OXR1: variants seen among roughly 807,000 people sequenced by gnomAD.
OXR1 encodes the protein oxidation resistance 1.
In OXR1, 41 loss-of-function variants were observed where a neutral mutation model predicts 104.6. That is an observed-to-expected ratio of 0.39 (90% CI 0.31 to 0.51). The LOEUF (loss-of-function observed/expected upper bound fraction) is 0.51, where lower values mean the gene tolerates loss of function less well. OXR1 is among the 20% of genes least tolerant of loss of function. The pLI is 0.77. For synonymous variants in OXR1, 348 were observed against 348.4 expected (o/e 1.00, Z 0.01); for missense variants, 955 against 1,031.9 (o/e 0.93, Z 1.02).
chr8:106,712,302 T>C (rs545215301), intron 10 of OXR1, among the ~76,000 whole-genome samples: 71 of 152,108 alleles, frequency 4.7e-4, no homozygotes, highest in Non-Finnish European at 9.1e-4. Context: ...CAACCTGACA[T>C]ACAGAAGGAC....
At chr8:106,594,994 G>A (rs944367626) in intron 3 of OXR1, among the ~76,000 whole-genome samples, 2 of 152,196 alleles carry the variant, frequency 1.3e-5, no homozygotes, top group African/African-American at 4.8e-5. Flanking sequence ...ATTTTTCAGT[G>A]GAAGTTGATG....
chr8:106,654,840 C>T (rs749733243), intron 3 of OXR1, among the ~76,000 whole-genome samples: 2 of 152,020 alleles, frequency 1.3e-5, no homozygotes, highest in Non-Finnish European at 1.5e-5. Context: ...AACAGGTCAA[C>T]AAAAAAACTT....
intron 7 of OXR1, chr8:106,697,598 A>T (rs879059366): frequency 1.2e-6 from 2 of 1,611,960 alleles, no homozygotes; most frequent in Non-Finnish European, 1.7e-6. Context: ...CCATCATCCC[A>T]GGCTACTGCC....
chr8:106,541,917 C>G (rs543238129), intron 3 of OXR1, among the ~76,000 whole-genome samples: 1 of 152,298 alleles, frequency 6.6e-6, no homozygotes, highest in African/African-American at 2.4e-5. Flanking sequence ...TCCTGGCTAC[C>G]TGTATCATTT....
intron 1 of OXR1, among the ~76,000 whole-genome samples, chr8:106,341,864 C>G (rs186080908): frequency 7.5e-5 from 11 of 147,278 alleles, no homozygotes; most frequent in Admixed American, 2.1e-4. Flanking sequence ...CATCTATATC[C>G]CCCACCTCTA....
chr8:106,487,366 T>G (rs1184359303), intron 2 of OXR1, among the ~76,000 whole-genome samples: 1 of 150,842 alleles, frequency 6.6e-6, no homozygotes, highest in Non-Finnish European at 1.5e-5. Context: ...ATGCTGTTTA[T>G]TTTTTAATTT....
chr8:106,472,899 T>C (rs966225688), intron 2 of OXR1, among the ~76,000 whole-genome samples: 1 of 151,818 alleles, frequency 6.6e-6, no homozygotes, highest in African/African-American at 2.4e-5. Flanking sequence ...ACTCTTGAGT[T>C]TTTTGTTTTG....
chr8:106,565,227 C>G (rs1367416871), intron 3 of OXR1, among the ~76,000 whole-genome samples: 1 of 152,018 alleles, frequency 6.6e-6, no homozygotes, highest in East Asian at 1.9e-4. Context: ...TTTAGAAAAC[C>G]CTATTGTCTC....
chr8:106,580,975 T>C (rs1241921656), intron 3 of OXR1: 2 of 1,013,896 alleles, frequency 2.0e-6, no homozygotes, highest in African/African-American at 3.5e-5. Flanking sequence ...TGTTTCCTCA[T>C]TCTTGTGGCT....
chr8:106,355,725 G>C (rs1243842125), intron 1 of OXR1, among the ~76,000 whole-genome samples: 2 of 150,998 alleles, frequency 1.3e-5, no homozygotes, highest in Non-Finnish European at 3.0e-5. Flanking sequence ...AATTTTTGGT[G>C]TCATCAGAAA....
intron 2 of OXR1, among the ~76,000 whole-genome samples, chr8:106,399,946 T>C (rs1563755171): frequency 6.6e-6 from 1 of 152,166 alleles, no homozygotes; most frequent in Non-Finnish European, 1.5e-5. Flanking sequence ...TGTTTCTGAT[T>C]AATTAAAGAA....
intron 1 of OXR1, among the ~76,000 whole-genome samples, chr8:106,314,598 C>G (rs1180693980): frequency 6.6e-6 from 1 of 152,124 alleles, no homozygotes; most frequent in Admixed American, 6.6e-5. Context: ...CTAGGCAGAG[C>G]TTTAGGAACA....
In OXR1 at chr8:106,710,551, G is replaced by C. The variant is rs1057317425; in HGVS notation, c.1625-71G>C. The C allele has an allele frequency of 3.0e-5, 30 of 988,614 alleles. No homozygotes were observed. In the African/African-American group the frequency reaches 5.0e-4, roughly 17 times the overall value. The allele number at this position is 988,614 out of a possible 1,614,324, so 61.2% of individuals were successfully genotyped here. A position where few individuals can be genotyped will look rare whatever the true frequency, so the allele number is the denominator to read the frequency against. On this transcript the variant is annotated intron_variant, in intron 9 of 16. Coordinates refer to ENST00000517566, the MANE Select transcript of OXR1 (RefSeq NM_001198533.2). ...GTAACTATTTGTCAGAATTTTGAAGGTAAAGTTAACTAAACTACCTAAACT... is the reference window on the plus strand; with the variant it reads ...GTAACTATTTGTCAGAATTTTGAAGCTAAAGTTAACTAAACTACCTAAACT...
intron 2 of OXR1, among the ~76,000 whole-genome samples, chr8:106,504,065 C>G (rs1393929064): frequency 6.6e-6 from 1 of 152,142 alleles, no homozygotes; most frequent in Non-Finnish European, 1.5e-5. Flanking sequence ...CAAGTAAGAT[C>G]CCTGGAATCT....
At chr8:106,312,103 A>AT (rs754468178) in intron 1 of OXR1, among the ~76,000 whole-genome samples, 16 of 151,710 alleles carry the variant, frequency 1.1e-4, no homozygotes, top group Non-Finnish European at 1.9e-4. Flanking sequence ...ATTTTAAGAG[A>AT]TTTTAAAGAT....
chr8:106,438,344 T>C (rs1042032102), intron 2 of OXR1, among the ~76,000 whole-genome samples: 5 of 152,134 alleles, frequency 3.3e-5, no homozygotes, highest in African/African-American at 1.2e-4. Context: ...TATTGACATA[T>C]GCTGTAAATG....
At chr8:106,706,267 C>A in intron 8 of OXR1, 115 bp from the exon 9 acceptor site, 1 of 630,198 alleles carries the variant, frequency 1.6e-6, no homozygotes, top group Admixed American at 3.7e-5. Flanking sequence ...GAGATACGTG[C>A]TACATCCTTT....
intron 3 of OXR1, chr8:106,581,208 G>T: frequency 7.8e-7 from 1 of 1,287,900 alleles, no homozygotes; most frequent in Non-Finnish European, 1.0e-6. Context: ...GCTGCAGAAA[G>T]CTGAATTCCA....
At chr8:106,509,580 C>T (rs1457607179) in intron 2 of OXR1, among the ~76,000 whole-genome samples, 1 of 152,142 alleles carries the variant, frequency 6.6e-6, no homozygotes, top group Admixed American at 6.5e-5. Flanking sequence ...GATTTTAGAG[C>T]CCTTGCCCTG....
Sources: allele counts gnomAD v4.1 joint callset (sites outside exome capture counted in the v4.1 genomes callset), GRCh38; gene constraint gnomAD v4.1.1; transcripts MANE v1.5; gene names NCBI Gene and HGNC (gene_info 2026-07-23, HGNC 2026-07-21).